CCDC88C: variants seen among roughly 807,000 people sequenced by gnomAD.
CCDC88C encodes the protein coiled-coil and HOOK domain protein 88C.
Under a neutral mutation model 198.8 loss-of-function variants are expected in CCDC88C, and 131 were observed. The observed-to-expected ratio is 0.66, with a 90% CI of 0.57 to 0.76. The LOEUF is 0.76. Ranked by LOEUF, CCDC88C falls within the 30% of genes least tolerant of loss-of-function variation. CCDC88C has a pLI of 0.00. For synonymous variants in CCDC88C, 1,166 were observed against 1,114.7 expected (o/e 1.05, Z -0.92); for missense variants, 2,553 against 2,631.6 (o/e 0.97, Z 0.65).
rs1893150686 is a variant in CCDC88C, at chr14:91,338,421, C to T, written c.891+68G>A. 4.9e-5 allele frequency: 68 copies of T among 1,376,366 alleles called. 2 individuals carry two copies. In the South Asian group the frequency reaches 8.4e-4, roughly 17 times the overall value. 85.3% of individuals were successfully genotyped at this position (1,376,366 alleles called of 1,614,324 possible). A position where few individuals can be genotyped will look rare whatever the true frequency, so the allele number is the denominator to read the frequency against. ...CGCTGCTGTTGAGCTCCTGACCCTC[C>T]AGGCCCCGTTACTGGACACTCCAGC... On this transcript the variant is annotated intron_variant, in intron 9 of 29. Coordinates refer to ENST00000389857, the MANE Select transcript of CCDC88C (RefSeq NM_001080414.4). The surrounding 1 kb of genome is among the most constrained non-coding windows in gnomAD (Gnocchi z 4.8).
chr14:91,287,551 A>G (rs981640866), intron 25 of CCDC88C, among the ~76,000 whole-genome samples: 6 of 151,026 alleles, frequency 4.0e-5, no homozygotes, highest in African/African-American at 1.2e-4. Flanking sequence ...TGCCCAGGCT[A>G]GTCCCAAACT....
At chr14:91,287,156 T>C (rs1352165033) in intron 25 of CCDC88C, among the ~76,000 whole-genome samples, 1 of 152,132 alleles carries the variant, frequency 6.6e-6, no homozygotes, top group Admixed American at 6.6e-5. Context: ...ATGACAAATG[T>C]CCAAAAATTA....
rs1246542587 is a variant in CCDC88C, at chr14:91,321,208, T to C, written c.1439A>G (p.Gln480Arg). 15 of 1,610,758 alleles carry C rather than the reference T, an allele frequency of 9.3e-6. No individual in the cohort carries two copies. The highest frequency in any genetic ancestry group is 1.6e-4 in the Middle Eastern group (1 of 6,074). ...CACCAGGGACGCGTCCCGCAGCCCC[T>C]GGATGGTGCTCTGGAGGCTCTGATT... is the stretch of plus-strand genomic sequence containing the variant. ...KENQSLQSTI[Q>R]GLRDASLVLE... Residue 480 changes from glutamine (Q) to arginine (R), a missense_variant, in exon 13 of 30, where the codon CAG becomes CGG. Transcript: ENST00000389857.
intron 27 of CCDC88C, 138 bp from the exon 28 acceptor site, chr14:91,279,444 G>C: frequency 3.0e-6 from 2 of 660,952 alleles, no homozygotes; most frequent in South Asian, 2.0e-5. Flanking sequence ...AGGAGCTCTG[G>C]GACTCCCTCT....
chr14:91,357,237 A>G (rs1173126137), intron 4 of CCDC88C, among the ~76,000 whole-genome samples: 1 of 152,206 alleles, frequency 6.6e-6, no homozygotes, highest in Admixed American at 6.5e-5. Flanking sequence ...GCACGTTTTC[A>G]TTCCTTTAAA....
chr14:91,417,593 G>C (rs1254850528), intron 1 of CCDC88C, 38 bp downstream of exon 1: 8 of 1,561,866 alleles, frequency 5.1e-6, no homozygotes, highest in East Asian at 2.4e-5. Flanking sequence ...AGAGAAGCCG[G>C]TGCACCAACA....
chr14:91,387,326 A>T (rs2139968556), intron 3 of CCDC88C, among the ~76,000 whole-genome samples: 1 of 152,270 alleles, frequency 6.6e-6, no homozygotes, highest in East Asian at 1.9e-4. Flanking sequence ...TGTCATGGAG[A>T]GTGCCAACGT....
chr14:91,330,937 G>T (rs1892798157), intron 10 of CCDC88C, among the ~76,000 whole-genome samples: 1 of 152,066 alleles, frequency 6.6e-6, no homozygotes, highest in Non-Finnish European at 1.5e-5. Context: ...AGGGGTGAAT[G>T]AGGGCCCTGA....
chr14:91,362,248 G>GC (rs962269672), intron 3 of CCDC88C, among the ~76,000 whole-genome samples: 1 of 143,018 alleles, frequency 7.0e-6, no homozygotes, highest in Non-Finnish European at 1.6e-5. Context: ...AAAAAAAAAA[G>GC]AAAAAAAAGA....
chr14:91,390,063 C>A (rs1402606558), intron 3 of CCDC88C, among the ~76,000 whole-genome samples: 2 of 149,302 alleles, frequency 1.3e-5, no homozygotes, highest in Admixed American at 1.3e-4. Context: ...CAGGGTGAGA[C>A]TCTGTTTCAA....
intron 3 of CCDC88C, among the ~76,000 whole-genome samples, chr14:91,372,706 T>C (rs17803791): frequency 0.16 from 24,588 of 152,082 alleles, 2,573 homozygotes; most frequent in African/African-American, 0.3. Context: ...GACCCAGCCC[T>C]GTCTGCACGT....
chr14:91,352,673 G>A lies in CCDC88C; in HGVS notation c.340+6969C>T, dbSNP rs1182765144. Among the ~76,000 whole-genome samples, 1 of 151,988 alleles carries A rather than the reference G, an allele frequency of 6.6e-6. No homozygotes were observed. Among genetic ancestry groups the A allele is most frequent in the Admixed American group, 6.6e-5 (1 of 15,266 alleles). Reference sequence around the variant, plus strand: ...CACACACATATACACTTATACACAGGATTAGAGAATTATGGCCAGGAGAAA... The same window carrying A: ...CACACACATATACACTTATACACAGAATTAGAGAATTATGGCCAGGAGAAA... On this transcript the variant is annotated intron_variant, in intron 4 of 29. Coordinates refer to ENST00000389857, the MANE Select transcript of CCDC88C (RefSeq NM_001080414.4). This position sits in a 1 kb window ranked among gnomAD's most constrained non-coding sequence, Gnocchi z 4.2.
At chr14:91,360,563 A>T (rs1211308096) in intron 3 of CCDC88C, among the ~76,000 whole-genome samples, 1 of 152,208 alleles carries the variant, frequency 6.6e-6, no homozygotes, top group Admixed American at 6.5e-5. Flanking sequence ...ATAAATGAGG[A>T]GACTTCTCTC....
Position 91,272,835 on chromosome 14 carries a change from C to T in CCDC88C, c.5877G>A (p.Gly1959=), listed in dbSNP as rs1343679477. Residue 1959 remains glycine, a synonymous_variant, in exon 30 of 30, where the codon GGG becomes GGA. Transcript: ENST00000389857. The stretch of plus-strand genomic sequence containing the variant: ...CCCCGTCTCCCTCTGAGAGGCTGAG[C>T]CCTGCCCGGACAGGGGTGATGGTGG... ...EVATITPVRA[G]LSLSEGDGVP... is the part of the protein sequence containing the mutation. 4.4e-6 allele frequency: 7 copies of T among 1,593,574 alleles called. No individual in the cohort carries two copies. Among genetic ancestry groups the T allele is most frequent in the African/African-American group, 2.7e-5 (2 of 74,672 alleles).
chr14:91,311,265 C>T lies in CCDC88C; in HGVS notation c.2737-1279G>A, dbSNP rs1025712237. The stretch of plus-strand genomic sequence containing the variant: ...GCCTAACTAACCTACGCTAACGAGC[C>T]GGGGCTCTGCCTGCATTCATATTTT... On this transcript the variant is annotated intron_variant, in intron 15 of 29. Coordinates refer to ENST00000389857, the MANE Select transcript of CCDC88C (RefSeq NM_001080414.4). Among the ~76,000 whole-genome samples the T allele has an allele frequency of 5.3e-5, 8 of 152,208 alleles. No individual in the cohort carries two copies. The East Asian group carries it at 9.6e-4, about 18-fold the overall frequency.
chr14:91,393,140 G>A (rs1240275754), intron 3 of CCDC88C, among the ~76,000 whole-genome samples: 1 of 152,154 alleles, frequency 6.6e-6, no homozygotes, highest in East Asian at 1.9e-4. Flanking sequence ...GCAACCCAGG[G>A]AGGGGAGTGC....
intron 2 of CCDC88C, among the ~76,000 whole-genome samples, chr14:91,412,348 C>T (rs1363408795): frequency 2.6e-5 from 4 of 152,122 alleles, no homozygotes. Context: ...GACATTGCTA[C>T]CTCCACATGG....
chr14:91,300,458 A>G (rs1260151035), intron 20 of CCDC88C, among the ~76,000 whole-genome samples: 2 of 152,238 alleles, frequency 1.3e-5, no homozygotes, highest in Non-Finnish European at 2.9e-5. Context: ...AATAAATCTA[A>G]GAGAAACCAC....
chr14:91,338,454 C>A lies in CCDC88C; in HGVS notation c.891+35G>T, dbSNP rs1436005118. ...GTTACTGGACACTCCAGCCCTGCTA[C>A]CCCCAGGACACACAGGCTCAGGCCC... On this transcript the variant is annotated intron_variant, in intron 9 of 29. Coordinates refer to ENST00000389857, the MANE Select transcript of CCDC88C (RefSeq NM_001080414.4). This position sits in a 1 kb window ranked among gnomAD's most constrained non-coding sequence, Gnocchi z 4.8. 8 of 1,525,654 alleles carry A rather than the reference C, an allele frequency of 5.2e-6. No individual in the cohort carries two copies. The highest frequency in any genetic ancestry group is 6.2e-6 in the Non-Finnish European group (7 of 1,123,094). The allele number at this position is 1,525,654 out of a possible 1,614,324, so 94.5% of individuals were successfully genotyped here.
Sources: gnomAD v4.1 joint callset for allele counts (sites outside exome capture counted in the v4.1 genomes callset) on GRCh38, gnomAD v4.1.1 for gene constraint, Gnocchi (gnomAD v3.1) non-coding constraint, MANE v1.5 for transcripts, NCBI Gene and HGNC (gene_info 2026-07-23, HGNC 2026-07-21) for gene names.